The following TMPRSS9 variants were observed in gnomAD, a reference collection of about 807,000 sequenced individuals.
The protein encoded by TMPRSS9 is transmembrane protease serine 9.
A neutral mutation model predicts 111.4 loss-of-function variants in TMPRSS9; 113 were observed. The ratio of observed to expected loss-of-function variants is 1.01; its 90% CI spans 0.87 to 1.19. The LOEUF is 1.19. TMPRSS9 is among the 50% of genes most tolerant of loss of function. TMPRSS9 has a pLI of 0.00. For missense variants in TMPRSS9, 1,803 were observed against 1,513.1 expected (o/e 1.19, Z -3.18); for synonymous variants, 805 against 659.1 (o/e 1.22, Z -3.39).
At chr19:2,424,708 C>T (rs1211194330) in intron 15 of TMPRSS9, among the ~76,000 whole-genome samples, 1 of 152,160 alleles carries the variant, frequency 6.6e-6, no homozygotes, top group Non-Finnish European at 1.5e-5. Context: ...AGGGGACACC[C>T]AGCTCTGGGC....
intron 9 of TMPRSS9, 42 bp from the exon 11 acceptor site, chr19:2,413,658 G>A: frequency 6.4e-7 from 1 of 1,564,794 alleles, no homozygotes. Context: ...GTCTGGACTG[G>A]CTGCTGCCGA....
chr19:2,414,073 G>C (rs76693955), intron 10 of TMPRSS9, 55 bp downstream of exon 11: 25 of 1,450,820 alleles, frequency 1.7e-5, no homozygotes, highest in Non-Finnish European at 2.2e-5. Context: ...TTGATTTAGG[G>C]AGAACGGATA....
At chr19:2,421,107 G>A (rs1443524406) in intron 13 of TMPRSS9, among the ~76,000 whole-genome samples, 1 of 151,688 alleles carries the variant, frequency 6.6e-6, no homozygotes, top group Non-Finnish European at 1.5e-5. Context: ...TCGGGAGGCT[G>A]AGGCAGGAGA....
At chr19:2,405,884 G>C (rs1021553601) in intron 7 of TMPRSS9, among the ~76,000 whole-genome samples, 9 of 144,968 alleles carry the variant, frequency 6.2e-5, no homozygotes, top group African/African-American at 2.3e-4. Context: ...TTTTAGTAGA[G>C]ACGGGGTTTC....
intron 5 of TMPRSS9, among the ~76,000 whole-genome samples, chr19:2,402,678 C>T (rs932576833): frequency 4.6e-5 from 7 of 152,066 alleles, no homozygotes; most frequent in Admixed American, 1.3e-4. Flanking sequence ...GCGGAGGTTG[C>T]GGTGAGCCGC....
At chr19:2,372,559 G>C (rs771545987) in intron 1 of TMPRSS9, among the ~76,000 whole-genome samples, 33 of 152,080 alleles carry the variant, frequency 2.2e-4, no homozygotes, top group Non-Finnish European at 4.3e-4. Context: ...TTTTTACTCT[G>C]AGATTAGCAG....
intron 7 of TMPRSS9, among the ~76,000 whole-genome samples, chr19:2,405,998 T>TTTTC (rs1250808255): frequency 3.4e-5 from 5 of 146,274 alleles, no homozygotes; most frequent in Non-Finnish European, 6.0e-5. Flanking sequence ...GCCCGGCCTC[T>TTTTC]TTTCTTTCTT....
At chr19:2,425,750 A>T in intron 17 of TMPRSS9, 177 bp from the exon 19 acceptor site, 1 of 1,154,738 alleles carries the variant, frequency 8.7e-7, no homozygotes, top group Non-Finnish European at 1.2e-6. Context: ...CCACTCCGGG[A>T]CCACGTGGCG....
chr19:2,416,484 A>AG, intron 11 of TMPRSS9, 54 bp from the exon 13 acceptor site: 1 of 1,560,288 alleles, frequency 6.4e-7, no homozygotes. Flanking sequence ...TCCCTCCCCA[A>AG]GAAGGCGGGC....
At chr19:2,381,480 G>T (rs1371635680) in intron 1 of TMPRSS9, among the ~76,000 whole-genome samples, 2 of 151,900 alleles carry the variant, frequency 1.3e-5, no homozygotes, top group Admixed American at 6.6e-5. Context: ...GTGATTCTTG[G>T]AGATTCTCTG....
At chr19:2,379,715 T>A (rs1218880002) in intron 1 of TMPRSS9, among the ~76,000 whole-genome samples, 1 of 150,392 alleles carries the variant, frequency 6.6e-6, no homozygotes, top group Non-Finnish European at 1.5e-5. Flanking sequence ...CCTCTCTCCC[T>A]TCCTCTTTTT....
intron 1 of TMPRSS9, among the ~76,000 whole-genome samples, chr19:2,366,856 CAA>C (rs769704683): frequency 5.4e-4 from 33 of 61,302 alleles, no homozygotes; most frequent in Admixed American, 9.5e-4. Flanking sequence ...GACTCCATTT[CAA>C]AAAAAAAAAA....
At chr19:2,405,236 G>A (rs1373921879) in intron 6 of TMPRSS9, 138 bp from the exon 8 acceptor site, 1 of 1,095,704 alleles carries the variant, frequency 9.1e-7, no homozygotes, top group Non-Finnish European at 1.3e-6. Context: ...AGAAGAGTCA[G>A]GGAAGCCAAG....
chr19:2,380,921 A>G (rs1970380633), intron 1 of TMPRSS9, among the ~76,000 whole-genome samples: 1 of 152,072 alleles, frequency 6.6e-6, no homozygotes, highest in South Asian at 2.1e-4. Context: ...AGGCTTACTC[A>G]ATTCCTATTT....
At chr19:2,391,740 C>CTTTTTTTTT (rs111240493) in intron 1 of TMPRSS9, among the ~76,000 whole-genome samples, 1 of 132,966 alleles carries the variant, frequency 7.5e-6, no homozygotes, top group Non-Finnish European at 1.6e-5. Context: ...GAAAGGAAGT[C>CTTTTTTTTT]TTTTTTTTTT....
At chr19:2,421,780 C>T (rs929290784) in intron 13 of TMPRSS9, 74 bp from the exon 15 acceptor site, 105 of 1,490,868 alleles carry the variant, frequency 7.0e-5, no homozygotes, top group Non-Finnish European at 8.9e-5. Context: ...ACTGTAGGAA[C>T]GCAGGAGGGT....
At chr19:2,425,262 A>G in exon 16 of TMPRSS9, 4 of 1,352,032 alleles carry the variant, frequency 3.0e-6, no homozygotes, top group African/African-American at 1.6e-5. Context: ...TCGGTGCGCG[A>G]AGGAGGTAGG....
In TMPRSS9 at chr19:2,408,628, TC is replaced by T. The variant is rs1284324494; in HGVS notation, c.1117del (p.Leu373TrpfsTer68). On this transcript the variant is annotated frameshift_variant and splice_region_variant, in exon 8 of 18. Coordinates refer to ENST00000648592, the Ensembl canonical transcript of TMPRSS9. LOFTEE classifies it high-confidence loss of function. Reference sequence around the variant, plus strand: ...GGCTGGGGCTACCTCAAGGAGGACTTCCGTAAGCATCTTCCTCGGCCTGCAA... The same window carrying T: ...GGCTGGGGCTACCTCAAGGAGGACTTCGTAAGCATCTTCCTCGGCCTGCAA... 3 of 1,607,912 alleles carry T rather than the reference TC, an allele frequency of 1.9e-6. No individual in the cohort carries two copies. The highest frequency in any genetic ancestry group is 4.5e-5 in the East Asian group (2 of 44,746).
At chr19:2,361,109 G>A (rs1485227643) in intron 1 of TMPRSS9, among the ~76,000 whole-genome samples, 1 of 138,312 alleles carries the variant, frequency 7.2e-6, no homozygotes. Flanking sequence ...CAGGGGTGGC[G>A]GGAAAGGGGC....
Sources: gnomAD v4.1 joint callset for allele counts (sites outside exome capture counted in the v4.1 genomes callset) on GRCh38, gnomAD v4.1.1 for gene constraint, MANE v1.5 for transcripts, NCBI Gene and HGNC (gene_info 2026-07-23, HGNC 2026-07-21) for gene names.